XKR9: variants seen among roughly 807,000 people sequenced by gnomAD.
XKR9 encodes the protein XK-related protein 9.
In XKR9, 32 loss-of-function variants were observed where a neutral mutation model predicts 32.0. The ratio of observed to expected loss-of-function variants is 1.00; its 90% CI spans 0.76 to 1.34. The LOEUF (loss-of-function observed/expected upper bound fraction) is 1.34. Ranked by LOEUF, XKR9 falls within the 40% of genes most tolerant of loss-of-function variation. The pLI is 0.00. For missense variants in XKR9, 546 were observed against 429.7 expected (o/e 1.27, Z -2.39); for synonymous variants, 168 against 143.4 (o/e 1.17, Z -1.22).
intron 3 of XKR9, among the ~76,000 whole-genome samples, chr8:70,704,187 G>GAAATA (rs1010612046): frequency 2.6e-5 from 4 of 151,282 alleles, no homozygotes; most frequent in Admixed American, 6.6e-5. Flanking sequence ...ATCTCAAAAA[G>GAAATA]AAATAAAATA....
the XKR9 span, among the ~76,000 whole-genome samples, chr8:70,833,692 G>A: frequency 6.6e-6 from 1 of 152,130 alleles, no homozygotes; most frequent in African/African-American, 2.4e-5. Flanking sequence ...CAGCATCCCT[G>A]AGGCTGGGTC....
At chr8:71,005,129 C>T in the XKR9 span, among the ~76,000 whole-genome samples, 19,374 of 150,176 alleles carry the variant, frequency 0.13, 1,619 homozygotes, top group African/African-American at 0.24. Context: ...CTGTGCCCAG[C>T]CTGATACCTT....
At chr8:71,006,334 ATT>A in the XKR9 span, among the ~76,000 whole-genome samples, 63 of 69,278 alleles carry the variant, frequency 9.1e-4, no homozygotes, top group Non-Finnish European at 1.4e-3. Context: ...TTTAAAAAAG[ATT>A]TTTTTTTTTA....
At chr8:70,753,920 A>C (rs1328326678) in intron 2 of XKR9, among the ~76,000 whole-genome samples, 2 of 145,884 alleles carry the variant, frequency 1.4e-5, no homozygotes, top group South Asian at 4.4e-4. Flanking sequence ...GGCCAGGGCA[A>C]TTAGGCAGGA....
the XKR9 span, among the ~76,000 whole-genome samples, chr8:71,061,471 C>T: frequency 6.6e-6 from 1 of 152,212 alleles, no homozygotes; most frequent in African/African-American, 2.4e-5. Flanking sequence ...TTAATAATTA[C>T]ACATATTCCA....
At chr8:70,725,387 A>T (rs1806429642) in intron 4 of XKR9, among the ~76,000 whole-genome samples, 1 of 152,156 alleles carries the variant, frequency 6.6e-6, no homozygotes, top group Non-Finnish European at 1.5e-5. Flanking sequence ...TCCTCTTTCC[A>T]AATAGGAAAT....
chr8:71,036,271 C>A, the XKR9 span, among the ~76,000 whole-genome samples: 1 of 151,992 alleles, frequency 6.6e-6, no homozygotes, highest in African/African-American at 2.4e-5. Flanking sequence ...TGTTATTTTA[C>A]AGTATTATGG....
the XKR9 span, among the ~76,000 whole-genome samples, chr8:70,935,975 T>C: frequency 6.6e-6 from 1 of 152,056 alleles, no homozygotes; most frequent in African/African-American, 2.4e-5. Flanking sequence ...TATTTGAGCT[T>C]TTTCACTAGT....
At chr8:70,781,364 G>T (rs758744457) in intron 2 of XKR9, among the ~76,000 whole-genome samples, 1 of 151,940 alleles carries the variant, frequency 6.6e-6, no homozygotes, top group Non-Finnish European at 1.5e-5. Context: ...CTCTGATTTT[G>T]TGGGTTGTCT....
chr8:70,776,391 T>G (rs183922184), intron 2 of XKR9, among the ~76,000 whole-genome samples: 20 of 152,244 alleles, frequency 1.3e-4, no homozygotes, highest in African/African-American at 4.8e-4. Flanking sequence ...GTCTGTAGGA[T>G]CTTAGTGATA....
chr8:70,700,565 A>G (rs1805484557), intron 3 of XKR9, among the ~76,000 whole-genome samples: 1 of 152,096 alleles, frequency 6.6e-6, no homozygotes, highest in African/African-American at 2.4e-5. Flanking sequence ...AAGAGTACCC[A>G]GCCATGTGAG....
the XKR9 span, among the ~76,000 whole-genome samples, chr8:70,920,105 G>A: frequency 6.6e-6 from 1 of 152,148 alleles, no homozygotes; most frequent in Non-Finnish European, 1.5e-5. Flanking sequence ...TATGGCTGCT[G>A]TAGCTGTTTT....
At chr8:70,871,621 C>G in the XKR9 span, among the ~76,000 whole-genome samples, 1 of 152,150 alleles carries the variant, frequency 6.6e-6, no homozygotes, top group Non-Finnish European at 1.5e-5. Flanking sequence ...GTTCTGATTG[C>G]CCTACTGACC....
chr8:70,869,289 T>G, the XKR9 span, among the ~76,000 whole-genome samples: 2 of 152,288 alleles, frequency 1.3e-5, no homozygotes, highest in South Asian at 4.1e-4. Flanking sequence ...TACCCAAGAC[T>G]AGGTAATTGA....
the XKR9 span, among the ~76,000 whole-genome samples, chr8:70,823,116 T>G: frequency 6.6e-6 from 1 of 152,212 alleles, no homozygotes; most frequent in African/African-American, 2.4e-5. Flanking sequence ...AGATAATACA[T>G]ACATGAAGAG....
chr8:70,730,942 A>G (rs55678439), intron 4 of XKR9, among the ~76,000 whole-genome samples: 2 of 152,350 alleles, frequency 1.3e-5, no homozygotes, highest in African/African-American at 4.8e-5. Context: ...ACCAAGGGAA[A>G]GTATCCCCAC....
the XKR9 span, among the ~76,000 whole-genome samples, chr8:70,931,064 G>C: frequency 1.3e-5 from 2 of 151,840 alleles, no homozygotes; most frequent in South Asian, 2.1e-4. Context: ...AATTTGGACT[G>C]AGAGAAATTC....
chr8:71,011,905 T>A, the XKR9 span, among the ~76,000 whole-genome samples: 1 of 152,212 alleles, frequency 6.6e-6, no homozygotes, highest in African/African-American at 2.4e-5. Flanking sequence ...TCTTGAAGGC[T>A]TTTGGTTAGA....
At chr8:71,045,140 T>A in the XKR9 span, among the ~76,000 whole-genome samples, 3 of 152,224 alleles carry the variant, frequency 2.0e-5, no homozygotes, top group South Asian at 4.1e-4. Context: ...TTTCCAACAC[T>A]GTTTCATATT....
Sources: gnomAD v4.1 joint callset for allele counts (sites outside exome capture counted in the v4.1 genomes callset) on GRCh38, gnomAD v4.1.1 for gene constraint, MANE v1.5 for transcripts, NCBI Gene and HGNC (gene_info 2026-07-23, HGNC 2026-07-21) for gene names.